ARSB: variants seen among roughly 807,000 people sequenced by gnomAD.
ARSB encodes N-acetylgalactosamine-4-sulfatase.
ARSB carries 41 observed loss-of-function variants against 50.9 expected under a neutral mutation model. That is an observed-to-expected ratio of 0.81 (90% CI 0.63 to 1.04). The LOEUF is 1.04. Among genes scored for constraint, ARSB ranks in the 50% least tolerant of loss-of-function variants. ARSB has a pLI of 0.00. For synonymous variants in ARSB, 269 were observed against 284.8 expected (o/e 0.94, Z 0.56); for missense variants, 672 against 693.3 (o/e 0.97, Z 0.35).
At chr5:78,797,209 G>A (rs1357884221) in intron 6 of ARSB, among the ~76,000 whole-genome samples, 1 of 152,154 alleles carries the variant, frequency 6.6e-6, no homozygotes, top group Non-Finnish European at 1.5e-5. Flanking sequence ...TGATCCGCCT[G>A]CCTTGGTCTC....
At chr5:78,966,078 T>C (rs1752191965) in intron 2 of ARSB, among the ~76,000 whole-genome samples, 1 of 152,232 alleles carries the variant, frequency 6.6e-6, no homozygotes, top group Non-Finnish European at 1.5e-5. Flanking sequence ...CATTAAAGCT[T>C]GAGGAAATCA....
chr5:78,864,914 C>T (rs544630145), intron 5 of ARSB, among the ~76,000 whole-genome samples: 54 of 152,338 alleles, frequency 3.5e-4, no homozygotes, highest in African/African-American at 1.2e-3. Context: ...ATCCAGGTCA[C>T]GCTGATGCAA....
At chr5:78,805,758 G>A (rs1010812316) in intron 6 of ARSB, among the ~76,000 whole-genome samples, 4 of 152,308 alleles carry the variant, frequency 2.6e-5, no homozygotes, top group South Asian at 2.1e-4. Context: ...GATTATCATC[G>A]ACTGAGCAGC....
chr5:78,927,852 G>A (rs1254340298), intron 4 of ARSB, among the ~76,000 whole-genome samples: 1 of 152,144 alleles, frequency 6.6e-6, no homozygotes, highest in African/African-American at 2.4e-5. Flanking sequence ...ACAGCAGGGG[G>A]CCAGAAAAAG....
At chr5:78,838,714 A>G (rs1199544333) in intron 6 of ARSB, among the ~76,000 whole-genome samples, 4 of 152,214 alleles carry the variant, frequency 2.6e-5, no homozygotes, top group African/African-American at 9.6e-5. Flanking sequence ...TGAGGGCATT[A>G]GGGCCACTCG....
chr5:78,820,428 G>T (rs887542152), intron 6 of ARSB, among the ~76,000 whole-genome samples: 1 of 152,072 alleles, frequency 6.6e-6, no homozygotes, highest in African/African-American at 2.4e-5. Flanking sequence ...GGGTGTGGTG[G>T]TGGACGCCTA....
At chr5:78,885,891 G>A (rs1580000890) in intron 4 of ARSB, 64 bp from the exon 5 acceptor site, 1 of 1,610,276 alleles carries the variant, frequency 6.2e-7, no homozygotes, top group Non-Finnish European at 8.5e-7. Flanking sequence ...TAAGAACAGA[G>A]ACTGTATGTA....
chr5:78,935,478 G>C (rs1214522096), intron 4 of ARSB, among the ~76,000 whole-genome samples: 1 of 152,206 alleles, frequency 6.6e-6, no homozygotes, highest in Non-Finnish European at 1.5e-5. Context: ...CCAGGGCCTA[G>C]CAGAGAGCTT....
intron 5 of ARSB, among the ~76,000 whole-genome samples, chr5:78,853,414 G>C (rs1745950586): frequency 6.6e-6 from 1 of 152,300 alleles, no homozygotes; most frequent in East Asian, 1.9e-4. Context: ...CATTCCTCTG[G>C]AAGTTTTGTC....
intron 5 of ARSB, among the ~76,000 whole-genome samples, chr5:78,860,213 G>A (rs1024915699): frequency 6.6e-6 from 1 of 152,120 alleles, no homozygotes; most frequent in Non-Finnish European, 1.5e-5. Context: ...GTCTAATGTT[G>A]ACAGTGGGGT....
intron 6 of ARSB, among the ~76,000 whole-genome samples, chr5:78,804,840 A>G (rs994310394): frequency 5.9e-5 from 9 of 152,196 alleles, no homozygotes; most frequent in African/African-American, 1.9e-4. Context: ...CCCGTGCTCC[A>G]TGCATCTTCC....
chr5:78,893,500 G>A (rs1249950427), intron 4 of ARSB, among the ~76,000 whole-genome samples: 3 of 152,200 alleles, frequency 2.0e-5, no homozygotes, highest in South Asian at 2.1e-4. Context: ...TATCAATGGG[G>A]TTTTATCTCT....
At chr5:78,940,124 G>C (rs1200113191) in intron 4 of ARSB, among the ~76,000 whole-genome samples, 1 of 152,060 alleles carries the variant, frequency 6.6e-6, no homozygotes, top group Non-Finnish European at 1.5e-5. Flanking sequence ...CTTTTTGATG[G>C]GGTTGTTTGT....
intron 6 of ARSB, among the ~76,000 whole-genome samples, chr5:78,819,882 C>G (rs1744141817): frequency 6.6e-6 from 1 of 152,248 alleles, no homozygotes; most frequent in Admixed American, 6.5e-5. Context: ...CCAAGGGATT[C>G]AGAAAACCCA....
chr5:78,807,661 T>G (rs183727818), intron 6 of ARSB, among the ~76,000 whole-genome samples: 55 of 152,178 alleles, frequency 3.6e-4, no homozygotes, highest in African/African-American at 1.2e-3. Flanking sequence ...AAAGGGTAGA[T>G]AGAACAACAA....
upstream of ARSB, chr5:78,985,544 T>G: frequency 1.3e-5 from 3 of 234,840 alleles, no homozygotes; most frequent in African/African-American, 2.3e-5. Flanking sequence ...GCAATTAAAT[T>G]TGCACTGTGG....
intron 6 of ARSB, among the ~76,000 whole-genome samples, chr5:78,788,791 T>A (rs1200997410): frequency 5.3e-5 from 8 of 151,980 alleles, no homozygotes; most frequent in African/African-American, 9.7e-5. Context: ...AGAAAAAAAA[T>A]TTTTAAAGAG....
intron 1 of ARSB, among the ~76,000 whole-genome samples, chr5:78,978,335 TA>T (rs35665104): frequency 0.44 from 61,736 of 141,758 alleles, 13,779 homozygotes; most frequent in Non-Finnish European, 0.52. Flanking sequence ...GACTCTGTCT[TA>T]AAAAAAAAAA....
intron 6 of ARSB, among the ~76,000 whole-genome samples, chr5:78,787,134 C>CTATCTATA (rs769970300): frequency 1.3e-5 from 2 of 150,098 alleles, no homozygotes; most frequent in African/African-American, 2.5e-5. Context: ...ATCTATCTAT[C>CTATCTATA]TATATAGATA....
Sources: allele counts gnomAD v4.1 joint callset (sites outside exome capture counted in the v4.1 genomes callset), GRCh38; gene constraint gnomAD v4.1.1; transcripts MANE v1.5; gene names NCBI Gene and HGNC (gene_info 2026-07-23, HGNC 2026-07-21).